DUSP4: variants seen among roughly 807,000 people sequenced by gnomAD.
DUSP4 encodes dual specificity protein phosphatase 4.
DUSP4 carries 12 observed loss-of-function variants against 27.2 expected under a neutral mutation model. The observed-to-expected ratio is 0.44, with a 90% confidence interval of 0.28 to 0.71. DUSP4 has a LOEUF of 0.71. DUSP4 is among the 30% of genes least tolerant of loss of function. DUSP4 has a pLI of 0.14. For missense variants in DUSP4, 448 were observed against 551.3 expected (o/e 0.81, Z 1.88); for synonymous variants, 257 against 245.2 (o/e 1.05, Z -0.45).
chr8:29,333,110 T>A lies in DUSP4; in HGVS notation c.*3916A>T, dbSNP rs1345767052. The A allele has an allele frequency of 6.6e-6, 1 of 151,164 alleles. No individual in the cohort carries two copies. The highest frequency in any genetic ancestry group is 1.9e-4 in the East Asian group (1 of 5,162). The allele number at this position is 151,164 out of a possible 1,614,324, so 9.4% of individuals were successfully genotyped here. On this transcript the variant is annotated 3_prime_UTR_variant, in exon 4 of 4. Transcript: ENST00000240100. ...TTTTCAAATGATCTTTTTCAAGCAATAAATAAAACCAGACATATTGACTTC... is the reference window on the plus strand; with the variant it reads ...TTTTCAAATGATCTTTTTCAAGCAAAAAATAAAACCAGACATATTGACTTC...
intron 1 of DUSP4, chr8:29,348,876 G>A: frequency 1.2e-6 from 1 of 818,682 alleles, no homozygotes. Context: ...GGAGGCGGAG[G>A]CGCAGCGCGG....
chr8:29,347,249 T>C (rs1384916186), intron 1 of DUSP4, among the ~76,000 whole-genome samples: 2 of 152,322 alleles, frequency 1.3e-5, no homozygotes, highest in South Asian at 2.1e-4. Flanking sequence ...GAGGTGTATC[T>C]GGAGACCTGG....
At chr8:29,342,230 G>A (rs1310714220) in intron 1 of DUSP4, among the ~76,000 whole-genome samples, 2 of 152,226 alleles carry the variant, frequency 1.3e-5, no homozygotes, top group African/African-American at 4.8e-5. Flanking sequence ...GGGCACTGGA[G>A]TGAAGTTCCG....
Position 29,333,806 on chromosome 8 carries a change from T to C in DUSP4, c.*3220A>G, listed in dbSNP as rs1319198870. The stretch of plus-strand genomic sequence containing the variant: ...CCCAAGTAATTCCAATGCGGGACCA[T>C]GGCTTTACTACTACAGGCTTGGTTG... On this transcript the variant is annotated 3_prime_UTR_variant, in exon 4 of 4. Transcript: ENST00000240100. 1 of 152,256 alleles carries C rather than the reference T, an allele frequency of 6.6e-6. No individual in the cohort carries two copies. The highest frequency in any genetic ancestry group is 2.4e-5 in the African/African-American group (1 of 41,450). 9.4% of individuals were successfully genotyped at this position (152,256 alleles called of 1,614,324 possible).
rs1817581552 is a variant in DUSP4 at position 29,336,945 on chromosome 8, C to T, written c.*81G>A. 6.9e-7 allele frequency: 1 copy of T among 1,449,048 alleles called. No individual in the cohort carries two copies. The allele number at this position is 1,449,048 out of a possible 1,614,324, so 89.8% of individuals were successfully genotyped here. A position where few individuals can be genotyped will look rare whatever the true frequency, so the allele number is the denominator to read the frequency against. ...GCTCGGTCGCCTGCTCCCAGCTGCT[C>T]AGTCCCAACTTTCTGCCCGCATGCG... On this transcript the variant is annotated 3_prime_UTR_variant, in exon 4 of 4. Coordinates refer to ENST00000240100, the MANE Select transcript of DUSP4 (RefSeq NM_001394.7).
At position 29,337,015 on chromosome 8, in the gene DUSP4, C is replaced by T. The variant is rs1040446663; in HGVS notation, c.*11G>A. On this transcript the variant is annotated 3_prime_UTR_variant, in exon 4 of 4. Transcript: ENST00000240100. This position sits in a 1 kb window ranked among gnomAD's most constrained non-coding sequence, Gnocchi z 6.4. The stretch of plus-strand genomic sequence containing the variant: ...GGAGCCAGCTCTGGTTCTGGGGCCC[C>T]CAGGGCGGCTCTAACAGCTGGGAGA... The T allele has an allele frequency of 5.7e-6, 9 of 1,580,132 alleles. No individual in the cohort carries two copies. The highest frequency in any genetic ancestry group is 1.3e-5 in the African/African-American group (1 of 74,376).
At chr8:29,348,150 G>A (rs531702451) in intron 1 of DUSP4, 1 of 985,470 alleles carries the variant, frequency 1.0e-6, no homozygotes, top group Admixed American at 6.1e-5. Context: ...GCTGGTCCCG[G>A]GTTTGGACGC....
rs932464290 is a variant in DUSP4, at chr8:29,336,724, T to G, written c.*302A>C. 1.2e-4 allele frequency: 38 copies of G among 321,508 alleles called. No individual in the cohort carries two copies. Among genetic ancestry groups the G allele is most frequent in the Non-Finnish European group, 1.7e-5 (3 of 176,046 alleles). 19.9% of individuals were successfully genotyped at this position (321,508 alleles called of 1,614,324 possible). A position where few individuals can be genotyped will look rare whatever the true frequency, so the allele number is the denominator to read the frequency against. On this transcript the variant is annotated 3_prime_UTR_variant, in exon 4 of 4. Transcript: ENST00000240100. ...TTTCATCACTTCAAGCCTTACTGCT[T>G]AAAAAAATGAGGTAAGAAATTTCTA...
intron 2 of DUSP4, among the ~76,000 whole-genome samples, chr8:29,339,427 C>T (rs1479276902): frequency 6.6e-6 from 1 of 152,044 alleles, no homozygotes; most frequent in Non-Finnish European, 1.5e-5. Context: ...GCCTGCCTGT[C>T]GGGGACTGAG....
At chr8:29,346,540 G>A (rs1817737057) in intron 1 of DUSP4, among the ~76,000 whole-genome samples, 1 of 152,196 alleles carries the variant, frequency 6.6e-6, no homozygotes, top group African/African-American at 2.4e-5. Flanking sequence ...ATTTCAAGAA[G>A]TGTATTGTGA....
chr8:29,347,687 C>G, intron 1 of DUSP4: 1 of 944,006 alleles, frequency 1.1e-6, no homozygotes, highest in African/African-American at 1.8e-5. Context: ...CGCGTCGGGG[C>G]CGACTACGAG....
chr8:29,345,746 G>A, intron 1 of DUSP4: 1 of 1,326,374 alleles, frequency 7.5e-7, no homozygotes, highest in Non-Finnish European at 9.6e-7. Context: ...ACGGTCTAAA[G>A]GGTCAAATTT....
Position 29,337,437 on chromosome 8 carries a change from T to G in DUSP4, c.800-26A>C, listed in dbSNP as rs776888629. ...CTGGGGACAGGGTTCAATAGGTTAG[T>G]GCACGTTTCTGCAGACCCCAGCCCC... On this transcript the variant is annotated intron_variant, in intron 3 of 3. Transcript: ENST00000240100. The surrounding 1 kb of genome is among the most constrained non-coding windows in gnomAD (Gnocchi z 6.4). 8.5e-5 allele frequency: 134 copies of G among 1,568,060 alleles called. No homozygotes were observed. Among genetic ancestry groups the G allele is most frequent in the Non-Finnish European group, 1.1e-4 (133 of 1,160,960 alleles).
intron 1 of DUSP4, 121 bp from the exon 2 acceptor site, chr8:29,340,364 T>G: frequency 7.7e-7 from 1 of 1,302,042 alleles, no homozygotes; most frequent in Non-Finnish European, 1.0e-6. Flanking sequence ...GTGCTCCATA[T>G]TGGCCACTAG....
intron 1 of DUSP4, among the ~76,000 whole-genome samples, chr8:29,341,146 T>C (rs751293289): frequency 5.3e-5 from 8 of 152,204 alleles, no homozygotes; most frequent in Non-Finnish European, 8.8e-5. Context: ...TGTATGGCCC[T>C]GCTTTTATTT....
chr8:29,339,539 C>T (rs1284665169), intron 2 of DUSP4, among the ~76,000 whole-genome samples: 1 of 151,640 alleles, frequency 6.6e-6, no homozygotes, highest in African/African-American at 2.4e-5. Context: ...CCGGACACGA[C>T]GTTAGAGGCC....
chr8:29,347,297 G>A (rs1817750024), intron 1 of DUSP4, among the ~76,000 whole-genome samples: 1 of 152,194 alleles, frequency 6.6e-6, no homozygotes, highest in South Asian at 2.1e-4. Flanking sequence ...CCTTCCCGCA[G>A]AGCTGTGGGA....
At position 29,335,351 on chromosome 8, in the gene DUSP4, CG is replaced by C. The variant is rs1481184986; in HGVS notation, c.*1674del. 1 of 152,190 alleles carries C rather than the reference CG, an allele frequency of 6.6e-6. No individual in the cohort carries two copies. The highest frequency in any genetic ancestry group is 2.4e-5 in the African/African-American group (1 of 41,438). 9.4% of individuals were successfully genotyped at this position (152,190 alleles called of 1,614,324 possible). ...GCCTGCGTGCCCATGACGCACGTCACGGGAGCCAGCGGCCAGCCCCCTCACC... is the reference window on the plus strand; with the variant it reads ...GCCTGCGTGCCCATGACGCACGTCACGGAGCCAGCGGCCAGCCCCCTCACC... On this transcript the variant is annotated 3_prime_UTR_variant, in exon 4 of 4. Transcript: ENST00000240100.
At chr8:29,346,757 A>T (rs1304864965) in intron 1 of DUSP4, among the ~76,000 whole-genome samples, 2 of 152,224 alleles carry the variant, frequency 1.3e-5, no homozygotes, top group African/African-American at 4.8e-5. Flanking sequence ...ATATTAAGCG[A>T]AGTTTACCTC....
Sources: allele counts gnomAD v4.1 joint callset (sites outside exome capture counted in the v4.1 genomes callset), GRCh38; gene constraint gnomAD v4.1.1; non-coding constraint Gnocchi (gnomAD v3.1); transcripts MANE v1.5; gene names NCBI Gene and HGNC (gene_info 2026-07-23, HGNC 2026-07-21).